Variants in ST6GAL1 observed in about 807,000 individuals in gnomAD.
ST6GAL1 encodes ST6 beta-galactoside alpha-2,6-sialyltransferase 1.
In ST6GAL1, 20 loss-of-function variants were observed where a neutral mutation model predicts 38.0. The ratio of observed to expected loss-of-function variants is 0.53; its 90% CI spans 0.37 to 0.77. ST6GAL1 has a LOEUF of 0.77. ST6GAL1 is among the 30% of genes least tolerant of loss of function. The probability of loss-of-function intolerance (pLI) is 0.00; values close to 1 mark genes in which losing one functional copy is unlikely to be tolerated. For synonymous variants in ST6GAL1, 196 were observed against 188.2 expected, an observed-to-expected ratio of 1.04 and a Z score of -0.34; for missense variants, 432 against 496.4, an observed-to-expected ratio of 0.87 and a Z score of 1.23.
chr3:186,960,883 C>G (rs1260959883), intron 1 of ST6GAL1, among the ~76,000 whole-genome samples: 1 of 151,730 alleles, frequency 6.6e-6, no homozygotes, highest in African/African-American at 2.4e-5. Context: ...GGTGTCCTGT[C>G]TACCTCTCCC....
chr3:187,062,046 T>C (rs1488994816), intron 5 of ST6GAL1, among the ~76,000 whole-genome samples: 1 of 152,184 alleles, frequency 6.6e-6, no homozygotes, highest in Non-Finnish European at 1.5e-5. Flanking sequence ...AATTACCCAA[T>C]TTAAAAATAG....
At chr3:187,069,052 T>A (rs895939290) in intron 5 of ST6GAL1, among the ~76,000 whole-genome samples, 18 of 152,102 alleles carry the variant, frequency 1.2e-4, no homozygotes, top group African/African-American at 3.4e-4. Context: ...ACTTAAAAGT[T>A]ACAAGATGTG....
At chr3:186,934,976 A>G (rs1210878922) in intron 1 of ST6GAL1, among the ~76,000 whole-genome samples, 1 of 152,064 alleles carries the variant, frequency 6.6e-6, no homozygotes, top group Non-Finnish European at 1.5e-5. Context: ...CTTGTTAGCC[A>G]GGATGGTCTC....
In ST6GAL1 at chr3:187,077,798, G is replaced by A. The variant is rs1257339856; in HGVS notation, c.*1995G>A. 6.6e-6 allele frequency: 1 copy of A among 152,418 alleles called. No individual in the cohort carries two copies. The highest frequency in any genetic ancestry group is 1.5e-5 in the Non-Finnish European group (1 of 68,180). 9.4% of individuals were successfully genotyped at this position (152,418 alleles called of 1,614,324 possible). ...GCACCCTGCTGTGACGGAGGCTAGT[G>A]TGGAAGAGGTCCTGTCCTCAGGGAA... On this transcript the variant is annotated 3_prime_UTR_variant, in exon 8 of 8. Coordinates refer to ENST00000169298, the MANE Select transcript of ST6GAL1 (RefSeq NM_173216.2).
At chr3:187,074,789 T>C (rs968800976) in intron 7 of ST6GAL1, among the ~76,000 whole-genome samples, 3 of 152,068 alleles carry the variant, frequency 2.0e-5, no homozygotes, top group Admixed American at 2.0e-4. Context: ...AGCAAGGCAC[T>C]TTTCTCAGGT....
In ST6GAL1 at chr3:187,042,743, G is replaced by A. The variant is rs770801889; in HGVS notation, c.40G>A (p.Val14Ile). 26 of 1,613,774 alleles carry A rather than the reference G, an allele frequency of 1.6e-5. No individual in the cohort carries two copies. In the East Asian group the frequency reaches 2.2e-4, roughly 14 times the overall value. ...CCTGAAGAAAAAGTTCAGCTGCTGC[G>A]TCCTGGTCTTTCTTCTGTTTGCAGT... ...TNLKKKFSCC[V>I]LVFLLFAVIC... The change falls in exon 4 of 8, where the codon GTC becomes ATC. Residue 14 changes from valine to isoleucine, a missense_variant. Physicochemically the swap from Val to Ile is conservative, Grantham distance 29. Coordinates refer to ENST00000169298, the MANE Select transcript of ST6GAL1 (RefSeq NM_173216.2).
chr3:186,991,510 T>C (rs111582309), intron 2 of ST6GAL1, among the ~76,000 whole-genome samples: 157 of 152,280 alleles, frequency 1.0e-3, no homozygotes, highest in South Asian at 6.0e-3. Flanking sequence ...ACACTTTTTA[T>C]GTCAGACTTG....
At chr3:187,015,703 G>T (rs970595565) in intron 2 of ST6GAL1, among the ~76,000 whole-genome samples, 2 of 152,048 alleles carry the variant, frequency 1.3e-5, no homozygotes, top group African/African-American at 4.8e-5. Context: ...GATGGGTGTC[G>T]TGGTGTGTGC....
At position 187,077,754 on chromosome 3, in the gene ST6GAL1, G is replaced by A. The variant is rs1159233713; in HGVS notation, c.*1951G>A. The A allele has an allele frequency of 6.6e-6, 1 of 152,340 alleles. No homozygotes were observed. Among genetic ancestry groups the A allele is most frequent in the East Asian group, 1.9e-4 (1 of 5,200 alleles). 9.4% of individuals were successfully genotyped at this position (152,340 alleles called of 1,614,324 possible). ...TGCCTTTAGTAGGGACCTGCTCTGTGCTCACACCTCGGCTGCATGCACCCT... is the reference window on the plus strand; with the variant it reads ...TGCCTTTAGTAGGGACCTGCTCTGTACTCACACCTCGGCTGCATGCACCCT... On this transcript the variant is annotated 3_prime_UTR_variant, in exon 8 of 8. Transcript: ENST00000169298.
chr3:186,985,326 T>C lies in ST6GAL1; in HGVS notation c.-183+21400T>C, dbSNP rs536190511. On this transcript the variant is annotated intron_variant, in intron 2 of 7. Coordinates refer to ENST00000169298, the MANE Select transcript of ST6GAL1 (RefSeq NM_173216.2). ...CTCTTAGTGTCTCCCTCTGCTAGTA[T>C]GTAAAACTCTAAGGGTGTTGATCTT... Among the ~76,000 whole-genome samples, 185 of 152,324 alleles carry C rather than the reference T, an allele frequency of 1.2e-3. 1 individual carries two copies. The South Asian group carries it at 0.023, about 19-fold the overall frequency.
intron 5 of ST6GAL1, among the ~76,000 whole-genome samples, chr3:187,059,009 C>T (rs1176462170): frequency 1.3e-5 from 2 of 152,050 alleles, no homozygotes; most frequent in African/African-American, 4.8e-5. Context: ...CTCTCTGGGG[C>T]AAATGACAGT....
chr3:186,991,053 T>C (rs1049394612), intron 2 of ST6GAL1, among the ~76,000 whole-genome samples: 1 of 152,186 alleles, frequency 6.6e-6, no homozygotes, highest in Admixed American at 6.5e-5. Context: ...GACTTTTTTC[T>C]TTTTCTCATG....
At chr3:186,966,813 C>G (rs1054609063) in intron 2 of ST6GAL1, among the ~76,000 whole-genome samples, 1 of 152,162 alleles carries the variant, frequency 6.6e-6, no homozygotes, top group Non-Finnish European at 1.5e-5. Context: ...GCGTGTCAGT[C>G]CCTGGACTCT....
At chr3:187,008,163 C>G (rs1383470717) in intron 2 of ST6GAL1, among the ~76,000 whole-genome samples, 1 of 152,060 alleles carries the variant, frequency 6.6e-6, no homozygotes, top group African/African-American at 2.4e-5. Flanking sequence ...AAAAACGTAT[C>G]TTCACAAATT....
intron 4 of ST6GAL1, among the ~76,000 whole-genome samples, chr3:187,048,879 AATTTTTTTT>A (rs1718402907): frequency 1.0e-5 from 1 of 95,498 alleles, no homozygotes; most frequent in Non-Finnish European, 2.0e-5. Context: ...TGAGAAATTG[AATTTTTTTT>A]TTTTTTTTTT....
intron 2 of ST6GAL1, among the ~76,000 whole-genome samples, chr3:187,015,695 T>C (rs966029580): frequency 2.6e-5 from 4 of 151,918 alleles, no homozygotes; most frequent in African/African-American, 9.7e-5. Context: ...AAAAATTAGA[T>C]GGGTGTCGTG....
At chr3:187,066,904 C>G (rs1434109322) in intron 5 of ST6GAL1, among the ~76,000 whole-genome samples, 1 of 151,958 alleles carries the variant, frequency 6.6e-6, no homozygotes, top group Non-Finnish European at 1.5e-5. Flanking sequence ...CCAGGAACAG[C>G]TGGTCCCCTC....
At chr3:186,965,667 G>A (rs1715085407) in intron 2 of ST6GAL1, among the ~76,000 whole-genome samples, 1 of 152,212 alleles carries the variant, frequency 6.6e-6, no homozygotes, top group African/African-American at 2.4e-5. Context: ...AGGGAGCTCA[G>A]GTGGAGGGGT....
intron 2 of ST6GAL1, among the ~76,000 whole-genome samples, chr3:187,023,921 A>G (rs1275491004): frequency 2.6e-5 from 4 of 151,342 alleles, no homozygotes; most frequent in African/African-American, 4.9e-5. Flanking sequence ...AACCTATCGC[A>G]TGAGTATTGG....
Sources: gnomAD v4.1 joint callset for allele counts (sites outside exome capture counted in the v4.1 genomes callset) on GRCh38, gnomAD v4.1.1 for gene constraint, MANE v1.5 for transcripts, NCBI Gene and HGNC (gene_info 2026-07-23, HGNC 2026-07-21) for gene names.